MMP28: variants seen among roughly 807,000 people sequenced by gnomAD.
The protein encoded by MMP28 is matrix metallopeptidase 28.
In MMP28, 55 loss-of-function variants were observed where a neutral mutation model predicts 60.5. The ratio of observed to expected loss-of-function variants is 0.91; its 90% confidence interval spans 0.73 to 1.14. MMP28 has a LOEUF of 1.14. Ranked by LOEUF, MMP28 falls within the 50% of genes most tolerant of loss-of-function variation. MMP28 has a pLI of 0.00. For missense variants in MMP28, 686 were observed against 738.3 expected (o/e 0.93, Z 0.82); for synonymous variants, 318 against 312.5 (o/e 1.02, Z -0.18).
chr17:35,761,242 C>T (rs1250650140), downstream of MMP28, among the ~76,000 whole-genome samples: 2 of 150,510 alleles, frequency 1.3e-5, no homozygotes, highest in East Asian at 3.9e-4. Flanking sequence ...TAGCTGGGAC[C>T]ACAGGAGCAT....
In MMP28 at chr17:35,770,290, G is replaced by A; in HGVS notation, c.627C>T (p.Phe209=). ...DGPGGALAHA[F]LPRRGEAHFD... is the part of the protein sequence containing the mutation. ...AGTGCGCTTCGCCGCGGCGGGGCAG[G>A]AAGGCGTGCGCCAGGGCGCCCCCTG... Residue 209 remains phenylalanine (F), a synonymous_variant, in exon 5 of 8, where the codon TTC becomes TTT. Coordinates refer to ENST00000605424, the MANE Select transcript of MMP28 (RefSeq NM_024302.5). 1 of 1,540,124 alleles carries A rather than the reference G, an allele frequency of 6.5e-7. No homozygotes were observed.
intron 3 of MMP28, among the ~76,000 whole-genome samples, chr17:35,773,748 C>T (rs2143329502): frequency 6.6e-6 from 1 of 152,346 alleles, no homozygotes; most frequent in Middle Eastern, 3.4e-3. Context: ...TCTTATTCTT[C>T]CCCACAGCCT....
downstream of MMP28, chr17:35,761,098 AAT>A: frequency 4.2e-6 from 3 of 711,490 alleles, no homozygotes; most frequent in African/African-American, 2.1e-5. Flanking sequence ...CGCCTTCCTG[AAT>A]TTTTTTTTTT....
At position 35,770,447 on chromosome 17, in the gene MMP28, C is replaced by G; in HGVS notation, c.605-135G>C. ...GTTTCCCTCCTAAAATCTGGCAGAACCTGAAGTGTGCAGAGGTGAACAGTA... is the reference window on the plus strand; with the variant it reads ...GTTTCCCTCCTAAAATCTGGCAGAAGCTGAAGTGTGCAGAGGTGAACAGTA... On this transcript the variant is annotated intron_variant, in intron 4 of 7. Coordinates refer to ENST00000605424, the MANE Select transcript of MMP28 (RefSeq NM_024302.5). The G allele has an allele frequency of 3.3e-6, 4 of 1,200,020 alleles. No homozygotes were observed. The South Asian group carries it at 4.9e-5, about 15-fold the overall frequency. The allele number at this position is 1,200,020 out of a possible 1,614,324, so 74.3% of individuals were successfully genotyped here.
rs1488963679 is a variant in MMP28 at position 35,795,295 on chromosome 17, C to T, written c.83G>A (p.Gly28Glu). 1 of 1,464,310 alleles carries T rather than the reference C, an allele frequency of 6.8e-7. No homozygotes were observed. The highest frequency in any genetic ancestry group is 9.0e-7 in the Non-Finnish European group (1 of 1,108,112). The allele number at this position is 1,464,310 out of a possible 1,614,324, so 90.7% of individuals were successfully genotyped here. A position where few individuals can be genotyped will look rare whatever the true frequency, so the allele number is the denominator to read the frequency against. Residue 28 changes from glycine (G) to glutamate (E), a missense_variant, in exon 1 of 8, where the codon GGA becomes GAA. Transcript: ENST00000605424. ...CGCCTCCTTGCGCAGCTCCTGGCCT[C>T]CGCGCTCCGCGGGCTGGGCGTCCAG... The part of the protein sequence containing the change: ...GHLDAQPAER[G>E]GQELRKEAEA...
chr17:35,768,214 A>C lies in MMP28; in HGVS notation c.1000+16T>G. On this transcript the variant is annotated intron_variant, in intron 6 of 7. Transcript: ENST00000605424. ...GAAGGAGAGAAAGAAGCAAAGCACC[A>C]GTGGGACCTTCTTACCTACAGTGAT... 1.3e-6 allele frequency: 2 copies of C among 1,590,796 alleles called. No individual in the cohort carries two copies. Among genetic ancestry groups the C allele is most frequent in the South Asian group, 1.1e-5 (1 of 88,664 alleles).
At position 35,780,856 on chromosome 17, in the gene MMP28, T is replaced by G. The variant is rs201162071; in HGVS notation, c.112-1533A>C. On this transcript the variant is annotated intron_variant, in intron 1 of 7. Coordinates refer to ENST00000605424, the MANE Select transcript of MMP28 (RefSeq NM_024302.5). Reference sequence around the variant, plus strand: ...TCTCGAAAAGAAAAAAAAAAAAAAGTAAATAAAGGACATAAATTGGTACTA... The same window carrying G: ...TCTCGAAAAGAAAAAAAAAAAAAAGGAAATAAAGGACATAAATTGGTACTA... Among the ~76,000 whole-genome samples the G allele has an allele frequency of 4.7e-5, 7 of 149,504 alleles. No homozygotes were observed. In the South Asian group the frequency reaches 1.3e-3, roughly 27 times the overall value.
chr17:35,778,747 A>G, intron 3 of MMP28, 141 bp downstream of exon 3: 2 of 1,525,206 alleles, frequency 1.3e-6, no homozygotes, highest in African/African-American at 2.7e-5. Flanking sequence ...TCAAGCCAAG[A>G]GGTCCTATTC....
At chr17:35,786,160 G>T (rs1042404929) in intron 1 of MMP28, among the ~76,000 whole-genome samples, 5 of 151,730 alleles carry the variant, frequency 3.3e-5, no homozygotes, top group African/African-American at 9.7e-5. Flanking sequence ...GGGTTCAAGT[G>T]ATTCTCTTGC....
chr17:35,794,641 T>G (rs1430560128), intron 1 of MMP28, among the ~76,000 whole-genome samples: 1 of 151,782 alleles, frequency 6.6e-6, no homozygotes, highest in Admixed American at 6.6e-5. Context: ...GCAAGTTGAG[T>G]CCAAAGCAAG....
chr17:35,778,704 T>C, intron 3 of MMP28, 184 bp downstream of exon 3: 1 of 1,366,834 alleles, frequency 7.3e-7, no homozygotes, highest in South Asian at 1.5e-5. Flanking sequence ...GGTGTCATTC[T>C]GAATTAAATG....
rs367846869 is a variant in MMP28 at position 35,787,885 on chromosome 17, CT to C, written c.111+7381del. ...GCTCCTTCTTTCTCTCTCTCTCACT[CT>C]TTTTTTCTTTCCCTTTTTTTTTTTT... On this transcript the variant is annotated intron_variant, in intron 1 of 7. Coordinates refer to ENST00000605424, the MANE Select transcript of MMP28 (RefSeq NM_024302.5). 4.9e-3 allele frequency among the ~76,000 whole-genome samples: 712 copies of C among 145,470 alleles called. 4 individuals carry two copies. Among genetic ancestry groups the C allele is most frequent in the South Asian group, 0.014 (64 of 4,564 alleles).
At chr17:35,776,502 T>A (rs2086335371) in intron 3 of MMP28, among the ~76,000 whole-genome samples, 1 of 152,182 alleles carries the variant, frequency 6.6e-6, no homozygotes, top group Non-Finnish European at 1.5e-5. Context: ...TTTTTAACTT[T>A]AAAAAACTAT....
intron 7 of MMP28, 136 bp from the exon 8 acceptor site, chr17:35,767,030 A>T: frequency 1.2e-6 from 1 of 824,368 alleles, no homozygotes; most frequent in East Asian, 2.6e-5. Flanking sequence ...AATCAAACGG[A>T]TTGCACTACA....
rs534692675 is a variant in MMP28 at position 35,776,714 on chromosome 17, G to A, written c.379+2174C>T. On this transcript the variant is annotated intron_variant, in intron 3 of 7. Coordinates refer to ENST00000605424, the MANE Select transcript of MMP28 (RefSeq NM_024302.5). ...CAGCCCGGACAACATGGTGAAACCC[G>A]TTTCTACTAAAAATACAAAAAAAAA... Among the ~76,000 whole-genome samples, 280 of 151,830 alleles carry A rather than the reference G, an allele frequency of 1.8e-3. 2 individuals are homozygous for A. Among genetic ancestry groups the A allele is most frequent in the African/African-American group, 6.2e-3 (256 of 41,410 alleles).
downstream of MMP28, among the ~76,000 whole-genome samples, chr17:35,762,147 C>T (rs188801204): frequency 1.1e-3 from 175 of 152,198 alleles, no homozygotes; most frequent in Non-Finnish European, 2.0e-3. Flanking sequence ...TGCACTGCCA[C>T]GCCCAGCTAA....
In MMP28 at chr17:35,770,126, C is replaced by A; in HGVS notation, c.791G>T (p.Arg264Met). ...GCTGAGCAGCGCGTCGCGGCCCAGC[C>A]TCTTGTAGTAGGGCGCCATGAGCGC... ...PRALMAPYYK[R>M]LGRDALLSWD... The change falls in exon 5 of 8, where the codon AGG becomes ATG. Residue 264 changes from arginine to methionine, a missense_variant. Coordinates refer to ENST00000605424, the MANE Select transcript of MMP28 (RefSeq NM_024302.5). The A allele has an allele frequency of 6.2e-7, 1 of 1,607,290 alleles. No individual in the cohort carries two copies. Among genetic ancestry groups the A allele is most frequent in the South Asian group, 1.1e-5 (1 of 90,214 alleles).
Position 35,766,908 on chromosome 17 carries a change from G to A in MMP28, c.1169-14C>T. 6.4e-7 allele frequency: 1 copy of A among 1,560,802 alleles called. No individual in the cohort carries two copies. Among genetic ancestry groups the A allele is most frequent in the Non-Finnish European group, 8.7e-7 (1 of 1,153,910 alleles). On this transcript the variant is annotated splice_polypyrimidine_tract_variant and intron_variant, in intron 7 of 7. Coordinates refer to ENST00000605424, the MANE Select transcript of MMP28 (RefSeq NM_024302.5). This position sits in a 1 kb window ranked among gnomAD's most constrained non-coding sequence, Gnocchi z 4.3. ...AGCATCGACCCCCTGTGGGGAATTG[G>A]GAGAGCCAGGGTGAGCTGGAGGCTG...
In MMP28 at chr17:35,778,699, C is replaced by G; in HGVS notation, c.379+189G>C. ...AATGAAAATTCATCAATGTAGGTGTCATTCTGAATTAAATGTCTGTATTCA... is the reference window on the plus strand; with the variant it reads ...AATGAAAATTCATCAATGTAGGTGTGATTCTGAATTAAATGTCTGTATTCA... On this transcript the variant is annotated intron_variant, in intron 3 of 7. Coordinates refer to ENST00000605424, the MANE Select transcript of MMP28 (RefSeq NM_024302.5). 5 of 1,307,806 alleles carry G rather than the reference C, an allele frequency of 3.8e-6. No individual in the cohort carries two copies. In the South Asian group the frequency reaches 4.6e-5, roughly 12 times the overall value. 81.0% of individuals were successfully genotyped at this position (1,307,806 alleles called of 1,614,324 possible). A position where few individuals can be genotyped will look rare whatever the true frequency, so the allele number is the denominator to read the frequency against.
Sources: gnomAD v4.1 joint callset for allele counts (sites outside exome capture counted in the v4.1 genomes callset) on GRCh38, gnomAD v4.1.1 for gene constraint, Gnocchi (gnomAD v3.1) non-coding constraint, MANE v1.5 for transcripts, NCBI Gene and HGNC (gene_info 2026-07-23, HGNC 2026-07-21) for gene names.